The following CUL3 variants were observed in gnomAD, a reference collection of about 807,000 sequenced individuals.
The protein encoded by CUL3 is cullin-3.
CUL3 carries 19 observed loss-of-function variants against 89.1 expected under a neutral mutation model. The observed-to-expected ratio is 0.21, with a 90% CI of 0.15 to 0.31. CUL3 has a LOEUF of 0.31. Ranked by LOEUF, CUL3 falls within the 10% of genes least tolerant of loss-of-function variation. The probability of loss-of-function intolerance (pLI) is 1.00; values close to 1 mark genes in which losing one functional copy is unlikely to be tolerated. For synonymous variants in CUL3, 351 were observed against 308.4 expected (o/e 1.14, Z -1.45); for missense variants, 469 against 942.3 (o/e 0.50, Z 6.58).
At chr2:224,505,436 C>G (rs777830641) in intron 8 of CUL3, among the ~76,000 whole-genome samples, 1 of 152,188 alleles carries the variant, frequency 6.6e-6, no homozygotes, top group South Asian at 2.1e-4. Flanking sequence ...CATACCTGGA[C>G]AGTTGTTCAG....
intron 1 of CUL3, among the ~76,000 whole-genome samples, chr2:224,560,970 T>A (rs1391922272): frequency 1.3e-5 from 2 of 152,230 alleles, no homozygotes; most frequent in African/African-American, 4.8e-5. Context: ...TATTTGCTAT[T>A]CTTTCTGTCT....
At chr2:224,568,742 T>C (rs181779838) in intron 1 of CUL3, among the ~76,000 whole-genome samples, 71 of 152,240 alleles carry the variant, frequency 4.7e-4, no homozygotes, top group East Asian at 4.4e-3. Flanking sequence ...GTAGACGAAA[T>C]AGGCCCTTCA....
intron 15 of CUL3, 144 bp from the exon 16 acceptor site, chr2:224,474,520 G>T: frequency 1.5e-6 from 1 of 655,752 alleles, no homozygotes; most frequent in Non-Finnish European, 2.5e-6. Flanking sequence ...CTTTAAAAAG[G>T]TTCTGTTTGA....
At chr2:224,550,876 C>T (rs1368139961) in intron 2 of CUL3, among the ~76,000 whole-genome samples, 1 of 152,126 alleles carries the variant, frequency 6.6e-6, no homozygotes, top group African/African-American at 2.4e-5. Context: ...CCTTAAATGG[C>T]TTCCTAACGT....
Position 224,492,240 on chromosome 2 carries a change from C to A in CUL3, c.1842+3592G>T, listed in dbSNP as rs1692012303. ...TTGTGTTATTCAAATTTCCTATATC[C>A]CCCTTTTCAACTCAGGTTAGTCAAT... On this transcript the variant is annotated intron_variant, in intron 13 of 15. Coordinates refer to ENST00000264414, the MANE Select transcript of CUL3 (RefSeq NM_003590.5). Among the ~76,000 whole-genome samples, 9 of 152,168 alleles carry A rather than the reference C, an allele frequency of 5.9e-5. No homozygotes were observed. In the South Asian group the frequency reaches 1.9e-3, roughly 32 times the overall value.
chr2:224,534,992 C>T (rs1693830673), intron 3 of CUL3, among the ~76,000 whole-genome samples: 1 of 147,118 alleles, frequency 6.8e-6, no homozygotes, highest in African/African-American at 2.5e-5. Flanking sequence ...CAGAGCGAGA[C>T]CCCGTCTCAA....
At chr2:224,505,777 T>C (rs1692576257) in intron 8 of CUL3, 179 bp downstream of exon 8, 2 of 354,216 alleles carry the variant, frequency 5.6e-6, no homozygotes, top group East Asian at 9.4e-5. Flanking sequence ...AAGTGAAATG[T>C]CTAACTACGT....
chr2:224,542,497 G>T (rs1409697446), intron 2 of CUL3, among the ~76,000 whole-genome samples: 4 of 84,686 alleles, frequency 4.7e-5, no homozygotes, highest in East Asian at 3.3e-4. Context: ...CTGGCTTTTT[G>T]TGTGTGTGTG....
chr2:224,555,532 C>A (rs1694667748), intron 2 of CUL3, among the ~76,000 whole-genome samples: 1 of 152,170 alleles, frequency 6.6e-6, no homozygotes, highest in Admixed American at 6.5e-5. Context: ...CAATAACTGT[C>A]TACAGTTTAG....
At chr2:224,518,957 C>T (rs1693166640) in intron 3 of CUL3, among the ~76,000 whole-genome samples, 1 of 152,190 alleles carries the variant, frequency 6.6e-6, no homozygotes, top group Admixed American at 6.5e-5. Context: ...GGCAGAAAGA[C>T]ATCAGTCAGA....
intron 3 of CUL3, among the ~76,000 whole-genome samples, chr2:224,515,543 G>A (rs749746519): frequency 3.3e-5 from 5 of 152,222 alleles, no homozygotes; most frequent in Middle Eastern, 6.8e-3. Flanking sequence ...TTATATGTTT[G>A]TTCACGCTTA....
intron 1 of CUL3, among the ~76,000 whole-genome samples, chr2:224,582,011 C>T (rs1462712344): frequency 2.0e-5 from 3 of 151,972 alleles, no homozygotes; most frequent in African/African-American, 2.4e-5. Flanking sequence ...GTTGCCCAGG[C>T]TGGAGTGCAA....
rs544551611 is a variant in CUL3, at chr2:224,521,448, T to TG, written c.379-6677dup. ...TTTCATACTTCTTTTTTTTTTTTTT[T>TG]GAGACAGAGTCTCGCTCTGTTGCCC... On this transcript the variant is annotated intron_variant, in intron 3 of 15. Transcript: ENST00000264414. 1.1e-3 allele frequency among the ~76,000 whole-genome samples: 164 copies of TG among 151,846 alleles called. 2 individuals carry two copies. The East Asian group carries it at 0.027, about 25-fold the overall frequency.
chr2:224,545,001 A>C (rs988162946), intron 2 of CUL3, among the ~76,000 whole-genome samples: 1 of 151,988 alleles, frequency 6.6e-6, no homozygotes, highest in Non-Finnish European at 1.5e-5. Flanking sequence ...ACTGGAAGGA[A>C]CTCTTACCTC....
chr2:224,550,118 T>C (rs1426838496), intron 2 of CUL3, among the ~76,000 whole-genome samples: 2 of 152,190 alleles, frequency 1.3e-5, no homozygotes, highest in East Asian at 3.9e-4. Context: ...GGGCTTTAAA[T>C]ACAGGTTGGG....
intron 9 of CUL3, among the ~76,000 whole-genome samples, chr2:224,503,423 C>A (rs1311892351): frequency 6.6e-6 from 1 of 152,176 alleles, no homozygotes; most frequent in Non-Finnish European, 1.5e-5. Flanking sequence ...CCCTTCCAGG[C>A]CTCCATGAAT....
chr2:224,564,273 A>G (rs188783415), intron 1 of CUL3, among the ~76,000 whole-genome samples: 5 of 152,302 alleles, frequency 3.3e-5, no homozygotes, highest in Admixed American at 2.6e-4. Context: ...ACAGAGCAAG[A>G]CTCTGTCTCA....
rs1438451055 is a variant in CUL3 at position 224,585,164 on chromosome 2, CGGCGGCGGCGGG to C, written c.-167_-156del. On this transcript the variant is annotated 5_prime_UTR_variant, in exon 1 of 16. Coordinates refer to ENST00000264414, the MANE Select transcript of CUL3 (RefSeq NM_003590.5). ...GAGCTGGCCGGCCCCTGGGCAGCCG[CGGCGGCGGCGGG>C]GGCGGCGGCGGCGGCGGCGGCGGCT... The C allele has an allele frequency of 9.9e-6, 3 of 303,228 alleles. No individual in the cohort carries two copies. The highest frequency in any genetic ancestry group is 7.2e-5 in the Admixed American group (1 of 13,920). The allele number at this position is 303,228 out of a possible 1,614,324, so 18.8% of individuals were successfully genotyped here. A position where few individuals can be genotyped will look rare whatever the true frequency, so the allele number is the denominator to read the frequency against.
chr2:224,528,073 T>A (rs1226125014), intron 3 of CUL3, among the ~76,000 whole-genome samples: 1 of 152,224 alleles, frequency 6.6e-6, no homozygotes, highest in East Asian at 1.9e-4. Flanking sequence ...ACAGTGAGCA[T>A]TCCATTTTTT....
Sources: allele counts gnomAD v4.1 joint callset (sites outside exome capture counted in the v4.1 genomes callset), GRCh38; gene constraint gnomAD v4.1.1; transcripts MANE v1.5; gene names NCBI Gene and HGNC (gene_info 2026-07-23, HGNC 2026-07-21).